DNAJC10: variants seen among roughly 807,000 people sequenced by gnomAD.
The protein encoded by DNAJC10 is DnaJ heat shock protein family (Hsp40) member C10.
In DNAJC10, 101 loss-of-function variants were observed where a neutral mutation model predicts 115.0. The observed-to-expected ratio is 0.88, with a 90% CI of 0.75 to 1.04. The LOEUF (loss-of-function observed/expected upper bound fraction) is 1.04. Ranked by LOEUF, DNAJC10 falls within the 50% of genes least tolerant of loss-of-function variation. DNAJC10 has a pLI of 0.00. For synonymous variants in DNAJC10, 307 were observed against 301.5 expected (o/e 1.02, Z -0.19); for missense variants, 981 against 928.8 (o/e 1.06, Z -0.73).
intron 2 of DNAJC10, among the ~76,000 whole-genome samples, chr2:182,717,701 AT>A (rs1407307823): frequency 6.6e-6 from 1 of 152,166 alleles, no homozygotes; most frequent in Non-Finnish European, 1.5e-5. Context: ...CAGTGTATAA[AT>A]TGCTGAGGGT....
intron 22 of DNAJC10, among the ~76,000 whole-genome samples, chr2:182,764,871 C>T (rs1694370498): frequency 6.6e-6 from 1 of 152,144 alleles, no homozygotes. Flanking sequence ...AAAGCCCATA[C>T]TCTGACCAGA....
chr2:182,720,267 A>T, intron 4 of DNAJC10, 98 bp downstream of exon 4: 1 of 981,294 alleles, frequency 1.0e-6, no homozygotes, highest in Non-Finnish European at 1.6e-6. Flanking sequence ...AAGATGCGTC[A>T]CTTTGATTAG....
intron 4 of DNAJC10, among the ~76,000 whole-genome samples, chr2:182,720,583 G>A (rs372436454): frequency 1.3e-5 from 2 of 152,152 alleles, no homozygotes; most frequent in African/African-American, 4.8e-5. Context: ...GCAGTAACAT[G>A]CTGTACAGAT....
intron 22 of DNAJC10, 133 bp from the exon 23 acceptor site, chr2:182,775,183 G>GAATA: frequency 3.3e-6 from 2 of 608,494 alleles, no homozygotes; most frequent in Non-Finnish European, 5.8e-6. Flanking sequence ...TCCTTGAAGA[G>GAATA]AATAAATTTG....
At chr2:182,747,133 G>C (rs1693888614) in intron 14 of DNAJC10, among the ~76,000 whole-genome samples, 1 of 151,760 alleles carries the variant, frequency 6.6e-6, no homozygotes, top group African/African-American at 2.4e-5. Flanking sequence ...GGTTACTGTA[G>C]CCTTGTAGTA....
At chr2:182,772,236 C>T (rs924795420) in intron 22 of DNAJC10, among the ~76,000 whole-genome samples, 2 of 152,066 alleles carry the variant, frequency 1.3e-5, no homozygotes, top group African/African-American at 2.4e-5. Context: ...GTTTTGCTTC[C>T]AATTATGTTG....
At chr2:182,753,591 T>TTTC (rs1477274027) in intron 16 of DNAJC10, among the ~76,000 whole-genome samples, 2 of 141,888 alleles carry the variant, frequency 1.4e-5, no homozygotes, top group Admixed American at 7.0e-5. Context: ...TTTTTTTTTT[T>TTTC]TTTTTTTTTG....
In DNAJC10 at chr2:182,785,595, C is replaced by T. The variant is rs1322282265; in HGVS notation, c.*8463C>T. 1.3e-5 allele frequency: 2 copies of T among 151,648 alleles called. No homozygotes were observed. The highest frequency in any genetic ancestry group is 2.4e-5 in the African/African-American group (1 of 41,282). 9.4% of individuals were successfully genotyped at this position (151,648 alleles called of 1,614,324 possible). A position where few individuals can be genotyped will look rare whatever the true frequency, so the allele number is the denominator to read the frequency against. ...AACAAATCAATGTGCAGGCAAGAAT[C>T]GGGAATGTGGGAAATTTTGTAGGAC... is the stretch of plus-strand genomic sequence containing the variant. On this transcript the variant is annotated 3_prime_UTR_variant, in exon 24 of 24. Coordinates refer to ENST00000264065, the MANE Select transcript of DNAJC10 (RefSeq NM_018981.4).
At chr2:182,725,402 AGG>A in intron 5 of DNAJC10, among the ~76,000 whole-genome samples, 1 of 152,334 alleles carries the variant, frequency 6.6e-6, no homozygotes, top group East Asian at 1.9e-4. Flanking sequence ...AACCCAAGAC[AGG>A]CTAAAAGGTA....
intron 14 of DNAJC10, among the ~76,000 whole-genome samples, chr2:182,750,310 G>A (rs79594080): frequency 0.011 from 1,741 of 152,262 alleles, 28 homozygotes; most frequent in African/African-American, 0.04. Context: ...ATTGCAGAAG[G>A]CCAGACTGAG....
rs1693430710 is a variant in DNAJC10, at chr2:182,731,016, C to CT, written c.728-10dup. The CT allele has an allele frequency of 8.1e-6, 13 of 1,596,218 alleles. No homozygotes were observed. The East Asian group carries it at 2.9e-4, about 36-fold the overall frequency. ...TAGGTGATCAGAATTTGCTTTTTTT[C>CT]TTTTATTTTTAAGGAAATTTTGTCA... On this transcript the variant is annotated splice_polypyrimidine_tract_variant and intron_variant, in intron 8 of 23. Transcript: ENST00000264065.
chr2:182,724,811 T>G (rs180763209), intron 5 of DNAJC10, among the ~76,000 whole-genome samples: 5 of 152,306 alleles, frequency 3.3e-5, no homozygotes, highest in African/African-American at 1.2e-4. Context: ...GCTGTGATGA[T>G]ACAGTATTTA....
intron 8 of DNAJC10, chr2:182,730,428 A>G (rs1288522923): frequency 6.4e-6 from 2 of 311,590 alleles, no homozygotes; most frequent in African/African-American, 4.5e-5. Flanking sequence ...ACTATTAAAT[A>G]GTGGGGCTGC....
intron 5 of DNAJC10, 104 bp downstream of exon 5, chr2:182,722,179 C>T (rs887431751): frequency 4.5e-5 from 36 of 803,082 alleles, no homozygotes; most frequent in Non-Finnish European, 6.4e-5. Flanking sequence ...TTTGGAGTTT[C>T]GAACAGTAAT....
intron 16 of DNAJC10, among the ~76,000 whole-genome samples, chr2:182,753,579 GTTTTTTTT>G (rs56151760): frequency 1.0e-5 from 1 of 99,400 alleles, no homozygotes; most frequent in Non-Finnish European, 1.9e-5. Flanking sequence ...CTTTAGTTTA[GTTTTTTTT>G]TTTTTTTTTT....
rs1695002472 is a variant in DNAJC10, at chr2:182,789,039, T to C, written c.*11907T>C. On this transcript the variant is annotated 3_prime_UTR_variant, in exon 24 of 24. Transcript: ENST00000264065. ...TATCTTGCAAAACTGAAATTTTATA[T>C]CCATAAAGCAAAACCTTTTTATTTA... 3.8e-6 allele frequency: 1 copy of C among 266,132 alleles called. No homozygotes were observed. The highest frequency in any genetic ancestry group is 5.2e-5 in the Admixed American group (1 of 19,174). The allele number at this position is 266,132 out of a possible 1,614,324, so 16.5% of individuals were successfully genotyped here. A position where few individuals can be genotyped will look rare whatever the true frequency, so the allele number is the denominator to read the frequency against.
At chr2:182,746,700 A>C (rs1693876959) in intron 14 of DNAJC10, among the ~76,000 whole-genome samples, 1 of 152,086 alleles carries the variant, frequency 6.6e-6, no homozygotes, top group South Asian at 2.1e-4. Flanking sequence ...CTCTGATGGT[A>C]CTTTCTTTTG....
intron 10 of DNAJC10, among the ~76,000 whole-genome samples, chr2:182,735,208 G>A (rs964490077): frequency 6.6e-6 from 1 of 151,128 alleles, no homozygotes; most frequent in African/African-American, 2.4e-5. Context: ...TTCATTTAAT[G>A]GGTACCCTAG....
At chr2:182,760,786 A>G (rs1694267762) in intron 21 of DNAJC10, among the ~76,000 whole-genome samples, 1 of 152,118 alleles carries the variant, frequency 6.6e-6, no homozygotes, top group Non-Finnish European at 1.5e-5. Flanking sequence ...GGCCATGGGA[A>G]TTTTTTAGCA....
Sources: allele counts gnomAD v4.1 joint callset (sites outside exome capture counted in the v4.1 genomes callset), GRCh38; gene constraint gnomAD v4.1.1; transcripts MANE v1.5; gene names NCBI Gene and HGNC (gene_info 2026-07-23, HGNC 2026-07-21).